BIN3: variants seen among roughly 807,000 people sequenced by gnomAD.
BIN3 encodes the protein bridging integrator 3.
BIN3 carries 41 observed loss-of-function variants against 38.2 expected under a neutral mutation model. The observed-to-expected ratio is 1.07, with a 90% CI of 0.84 to 1.39. The LOEUF (loss-of-function observed/expected upper bound fraction) is 1.39, where lower values mean the gene tolerates loss of function less well. BIN3 is among the 40% of genes most tolerant of loss of function. The pLI, the probability that BIN3 is intolerant of heterozygous loss-of-function variation, is 0.00. For missense variants in BIN3, 361 were observed against 324.3 expected, an observed-to-expected ratio of 1.11 and a Z score of -0.87; for synonymous variants, 145 against 122.6, an observed-to-expected ratio of 1.18 and a Z score of -1.21.
chr8:22,664,467 T>C (rs1200545921), intron 1 of BIN3, among the ~76,000 whole-genome samples: 1 of 152,208 alleles, frequency 6.6e-6, no homozygotes, highest in Non-Finnish European at 1.5e-5. Context: ...AGGGGCCCCA[T>C]AGGTGGAAGA....
At chr8:22,636,845 G>T (rs1051868247) in intron 3 of BIN3, 77 bp downstream of exon 3, 16 of 1,496,954 alleles carry the variant, frequency 1.1e-5, no homozygotes, top group South Asian at 9.1e-5. Context: ...CAGGGCACGG[G>T]GCAGACAGGT....
intron 1 of BIN3, among the ~76,000 whole-genome samples, chr8:22,648,113 C>A (rs371795794): frequency 1.1e-3 from 147 of 131,816 alleles, no homozygotes; most frequent in African/African-American, 3.9e-3. Flanking sequence ...CCAGCCTGCG[C>A]GACAGAGTGA....
rs1802516939 is a variant in BIN3, at chr8:22,640,605, C to T, written c.58-3643G>A. Among the ~76,000 whole-genome samples the T allele has an allele frequency of 1.3e-5, 2 of 152,126 alleles. 1 individual carries two copies. Among genetic ancestry groups the T allele is most frequent in the South Asian group, 4.1e-4 (2 of 4,830 alleles). ...TAAGCACTACTTGGCCCAAACCAAA[C>T]CCCTCTAGAGATCCAGAACACACAG... On this transcript the variant is annotated intron_variant, in intron 2 of 8. Coordinates refer to ENST00000276416, the MANE Select transcript of BIN3 (RefSeq NM_018688.6).
intron 1 of BIN3, among the ~76,000 whole-genome samples, chr8:22,653,130 T>G (rs1169425859): frequency 1.8e-4 from 27 of 152,240 alleles, no homozygotes; most frequent in Non-Finnish European, 1.8e-4. Flanking sequence ...TTTGAATTAA[T>G]GACAGTGACC....
At chr8:22,643,910 T>C (rs1207383542) in intron 2 of BIN3, among the ~76,000 whole-genome samples, 1 of 152,176 alleles carries the variant, frequency 6.6e-6, no homozygotes. Context: ...CACTCAGATT[T>C]GTGGGTCAGG....
chr8:22,659,339 C>T (rs1803157628), intron 1 of BIN3, among the ~76,000 whole-genome samples: 1 of 152,206 alleles, frequency 6.6e-6, no homozygotes, highest in Non-Finnish European at 1.5e-5. Flanking sequence ...GAAATTGACC[C>T]CGACCCGCCA....
At chr8:22,627,752 T>C (rs1158893793) in intron 6 of BIN3, among the ~76,000 whole-genome samples, 1 of 152,204 alleles carries the variant, frequency 6.6e-6, no homozygotes, top group Non-Finnish European at 1.5e-5. Context: ...GCTTTCTCTT[T>C]CCACATGTGA....
chr8:22,628,222 G>A (rs1026201811), intron 6 of BIN3, among the ~76,000 whole-genome samples: 3 of 152,224 alleles, frequency 2.0e-5, no homozygotes, highest in Non-Finnish European at 2.9e-5. Context: ...ATGTGAATAC[G>A]GCCCAGAGAC....
At chr8:22,640,627 AC>A (rs1802517708) in intron 2 of BIN3, among the ~76,000 whole-genome samples, 1 of 152,174 alleles carries the variant, frequency 6.6e-6, no homozygotes, top group South Asian at 2.1e-4. Context: ...TCCAGAACAC[AC>A]AGGGGGCGCT....
intron 1 of BIN3, among the ~76,000 whole-genome samples, chr8:22,656,896 G>A (rs1017127478): frequency 6.6e-6 from 1 of 152,130 alleles, no homozygotes; most frequent in South Asian, 2.1e-4. Flanking sequence ...CTTGGTAAAG[G>A]GTACAGGCTA....
In BIN3 at chr8:22,669,093, C is replaced by T. The variant is rs1353325577; in HGVS notation, c.-42G>A. 1 of 1,583,854 alleles carries T rather than the reference C, an allele frequency of 6.3e-7. No homozygotes were observed. Among genetic ancestry groups the T allele is most frequent in the East Asian group, 2.3e-5 (1 of 43,120 alleles). On this transcript the variant is annotated 5_prime_UTR_variant, in exon 1 of 9. Transcript: ENST00000276416. ...CTGCCGCCGGGGTCCTCAGCCACAA[C>T]TCGTTTCTCTAGGGTCACTTCCGGA...
At chr8:22,622,279 G>A (rs1457523595) in intron 8 of BIN3, among the ~76,000 whole-genome samples, 1 of 152,226 alleles carries the variant, frequency 6.6e-6, no homozygotes, top group Non-Finnish European at 1.5e-5. Flanking sequence ...ATGACCCAAT[G>A]AAAGCATGCA....
chr8:22,632,010 G>A (rs527576946), intron 4 of BIN3, among the ~76,000 whole-genome samples: 2 of 152,362 alleles, frequency 1.3e-5, no homozygotes, highest in East Asian at 3.9e-4. Context: ...GGTCTCAGGA[G>A]AGAAGACACA....
At chr8:22,641,729 G>C (rs1269843720) in intron 2 of BIN3, among the ~76,000 whole-genome samples, 2 of 152,204 alleles carry the variant, frequency 1.3e-5, no homozygotes, top group African/African-American at 4.8e-5. Flanking sequence ...CCCTAACTTT[G>C]CAGAGCACCC....
rs1239077543 is a variant in BIN3, at chr8:22,621,563, C to A, written c.621G>T (p.Val207=). 6.2e-7 allele frequency: 1 copy of A among 1,613,594 alleles called. No individual in the cohort carries two copies. The highest frequency in any genetic ancestry group is 8.5e-7 in the Non-Finnish European group (1 of 1,179,870). Residue 207 remains valine (V), a synonymous_variant, in exon 9 of 9, where the codon GTG becomes GTT. Coordinates refer to ENST00000276416, the MANE Select transcript of BIN3 (RefSeq NM_018688.6). ...AGATCTTGTGCATTTCCGAGTAGTA[C>A]ACAACCTGGGGGAGGCGACAGGGGT... ...SFESLIRAQV[V]YYSEMHKIFG...
At chr8:22,655,029 T>A (rs923476224) in intron 1 of BIN3, among the ~76,000 whole-genome samples, 6 of 152,210 alleles carry the variant, frequency 3.9e-5, no homozygotes, top group Non-Finnish European at 8.8e-5. Context: ...TGAGGTAGTA[T>A]TTCTGATGTG....
At chr8:22,634,009 C>T (rs148850799) in intron 4 of BIN3, among the ~76,000 whole-genome samples, 13 of 152,334 alleles carry the variant, frequency 8.5e-5, no homozygotes, top group East Asian at 1.9e-4. Flanking sequence ...CAGCCATGGA[C>T]GGTGCGTCAC....
In BIN3 at chr8:22,624,325, T is replaced by C. The variant is rs1168031820; in HGVS notation, c.377A>G (p.Lys126Arg). The C allele has an allele frequency of 1.2e-6, 2 of 1,613,776 alleles. No homozygotes were observed. The highest frequency in any genetic ancestry group is 1.7e-6 in the Non-Finnish European group (2 of 1,179,862). ...SVFPSLNMAV[K>R]RREQALQDYR... ...GTCCTGCAAGGCCTGTTCCCGCCTCTTCACAGCCATGTTGAGGCTCGGGAA... is the reference window on the plus strand; with the variant it reads ...GTCCTGCAAGGCCTGTTCCCGCCTCCTCACAGCCATGTTGAGGCTCGGGAA... Residue 126 changes from lysine (K) to arginine (R), a missense_variant, in exon 7 of 9, where the codon AAG becomes AGG. Transcript: ENST00000276416.
rs1801935235 is a variant in BIN3 at position 22,624,205 on chromosome 8, CCT to C, written c.480+15_480+16del. ...GGCCCACCTGTCTAGCCCCTGCCCA[CCT>C]GTCTCCCCTGGTACCTGGTGGAGCT... On this transcript the variant is annotated intron_variant, in intron 7 of 8. Transcript: ENST00000276416. The C allele has an allele frequency of 6.2e-7, 1 of 1,611,038 alleles. No homozygotes were observed. Among genetic ancestry groups the C allele is most frequent in the Non-Finnish European group, 8.5e-7 (1 of 1,178,296 alleles).
Sources: allele counts gnomAD v4.1 joint callset (sites outside exome capture counted in the v4.1 genomes callset), GRCh38; gene constraint gnomAD v4.1.1; transcripts MANE v1.5; gene names NCBI Gene and HGNC (gene_info 2026-07-23, HGNC 2026-07-21).